The following FNDC8 variants were observed in gnomAD, a reference collection of about 807,000 sequenced individuals.
FNDC8 encodes the protein fibronectin type III domain containing 8, also known as fibronectin type III domain-containing protein 8.
In FNDC8, 23 loss-of-function variants were observed where a neutral mutation model predicts 24.8. The ratio of observed to expected loss-of-function variants is 0.93; its 90% CI spans 0.67 to 1.31. The LOEUF is 1.31. Among genes scored for constraint, FNDC8 ranks in the 40% most tolerant of loss-of-function variants. The pLI is 0.00. For missense variants in FNDC8, 371 were observed against 398.2 expected (o/e 0.93, Z 0.58); for synonymous variants, 158 against 165.3 (o/e 0.96, Z 0.34).
chr17:35,121,964 T>G, intron 1 of FNDC8, 62 bp downstream of exon 1: 4 of 1,092,112 alleles, frequency 3.7e-6, no homozygotes, highest in Non-Finnish European at 5.2e-6. Flanking sequence ...CCTCCCTTCC[T>G]TCCTCCCTTC....
At chr17:35,122,169 T>TATAC (rs2091829634) in intron 1 of FNDC8, among the ~76,000 whole-genome samples, 1 of 25,964 alleles carries the variant, frequency 3.9e-5, no homozygotes, top group Non-Finnish European at 6.4e-5. Context: ...TATATATATA[T>TATAC]ATATATATAT....
rs764202427 is a variant in FNDC8, at chr17:35,127,240, G to A, written c.408G>A (p.Ala136=). ...MAKNAENEDL[A]LGPCPCPSKS... Reference sequence around the variant, plus strand: ...AGAATGCAGAAAATGAGGACCTGGCGCTCGGCCCCTGCCCATGCCCATCGA... The same window carrying A: ...AGAATGCAGAAAATGAGGACCTGGCACTCGGCCCCTGCCCATGCCCATCGA... The change falls in exon 2 of 4, where the codon GCG becomes GCA. Residue 136 remains alanine, a synonymous_variant. Transcript: ENST00000158009. The A allele has an allele frequency of 4.6e-5, 75 of 1,613,588 alleles. No individual in the cohort carries two copies. The highest frequency in any genetic ancestry group is 1.3e-4 in the African/African-American group (10 of 74,930).
chr17:35,125,978 T>C (rs948455548), intron 1 of FNDC8, among the ~76,000 whole-genome samples: 1 of 152,204 alleles, frequency 6.6e-6, no homozygotes, highest in Non-Finnish European at 1.5e-5. Flanking sequence ...TGGAGTGCAG[T>C]GGCAGGATCT....
chr17:35,129,998 G>A, intron 3 of FNDC8: 10 of 1,382,350 alleles, frequency 7.2e-6, no homozygotes, highest in Non-Finnish European at 9.3e-6. Flanking sequence ...GAAGACAAGA[G>A]GCTAAAGGGG....
chr17:35,127,320 C>A lies in FNDC8; in HGVS notation c.488C>A (p.Thr163Lys), dbSNP rs770942784. Residue 163 changes from threonine to lysine, a missense_variant, in exon 2 of 4, where the codon ACA (threonine) becomes AAA (lysine). Physicochemically the swap from Thr to Lys is moderately conservative, Grantham distance 78. Coordinates refer to ENST00000158009, the MANE Select transcript of FNDC8 (RefSeq NM_017559.4). ...LLDLDNPELE[T>K]ETSSTHSESS... ...GACCTTGACAACCCTGAGCTGGAGA[C>A]AGAAACCTCCTCAACGCACTCAGAA... 1.2e-6 allele frequency: 2 copies of A among 1,613,322 alleles called. No homozygotes were observed. Among genetic ancestry groups the A allele is most frequent in the South Asian group, 1.1e-5 (1 of 91,036 alleles).
rs1344663721 is a variant in FNDC8, at chr17:35,121,721, G to A, written c.28G>A (p.Gly10Arg). ...GGCATCAGAGGCACTCCATCAAGTG[G>A]GAGATGGGGAGGAGGCTGTACTGAA... is the stretch of plus-strand genomic sequence containing the variant. The part of the protein sequence containing the change: MASEALHQV[G>R]DGEEAVLKKE... Residue 10 changes from glycine (G) to arginine (R), a missense_variant, in exon 1 of 4, where the codon GGA becomes AGA. Coordinates refer to ENST00000158009, the MANE Select transcript of FNDC8 (RefSeq NM_017559.4). 20 of 1,614,014 alleles carry A rather than the reference G, an allele frequency of 1.2e-5. No individual in the cohort carries two copies. Among genetic ancestry groups the A allele is most frequent in the Non-Finnish European group, 1.7e-5 (20 of 1,179,998 alleles).
At chr17:35,122,194 ATATATATATATAT>A (rs1363842041) in intron 1 of FNDC8, among the ~76,000 whole-genome samples, 876 of 21,602 alleles carry the variant, frequency 0.041, 110 homozygotes, top group East Asian at 0.1. Context: ...ATATATATAT[ATATATATATATAT>A]AAATTTTTTT....
chr17:35,130,633 A>G lies in FNDC8; in HGVS notation c.*199A>G. ...ACCTGGAGGCATCTCAGGCCAGGCC[A>G]TGCCAGGCTCAGCCACTGCCCACAG... On this transcript the variant is annotated 3_prime_UTR_variant, in exon 4 of 4. Transcript: ENST00000158009. 3.4e-6 allele frequency: 2 copies of G among 583,976 alleles called. No homozygotes were observed. Among genetic ancestry groups the G allele is most frequent in the Non-Finnish European group, 6.0e-6 (2 of 333,786 alleles). 36.2% of individuals were successfully genotyped at this position (583,976 alleles called of 1,614,324 possible).
intron 1 of FNDC8, among the ~76,000 whole-genome samples, chr17:35,122,208 A>ACATATAT (rs1567738641): frequency 1.1e-4 from 1 of 9,152 alleles, no homozygotes; most frequent in Non-Finnish European, 1.8e-4. Context: ...ATATATATAT[A>ACATATAT]AATTTTTTTT....
chr17:35,130,552 G>A lies in FNDC8; in HGVS notation c.*118G>A, dbSNP rs369614645. 39 of 1,117,246 alleles carry A rather than the reference G, an allele frequency of 3.5e-5. No homozygotes were observed. Among genetic ancestry groups the A allele is most frequent in the African/African-American group, 1.6e-4 (10 of 64,056 alleles). 69.2% of individuals were successfully genotyped at this position (1,117,246 alleles called of 1,614,324 possible). A position where few individuals can be genotyped will look rare whatever the true frequency, so the allele number is the denominator to read the frequency against. ...CCCTGCGGGCCCGGGGTCTGGCAGA[G>A]TGGTATGGGCACCCCACCCCTGGGC... On this transcript the variant is annotated 3_prime_UTR_variant, in exon 4 of 4. Transcript: ENST00000158009.
chr17:35,122,130 G>C (rs1281830471), intron 1 of FNDC8, among the ~76,000 whole-genome samples: 1 of 116,794 alleles, frequency 8.6e-6, no homozygotes, highest in Non-Finnish European at 1.7e-5. Context: ...GACTATTGAC[G>C]CGCCACCACC....
chr17:35,130,213 TAGAG>T (rs1409134379), intron 3 of FNDC8, 65 bp from the exon 4 acceptor site: 3 of 1,564,736 alleles, frequency 1.9e-6, no homozygotes, highest in Non-Finnish European at 2.6e-6. Context: ...AAAGGGGTGA[TAGAG>T]ACAGAGAGAG....
chr17:35,129,540 TCAA>T lies in FNDC8; in HGVS notation c.708_710del (p.Asn236del), dbSNP rs1296853329. The T allele has an allele frequency of 1.9e-6, 3 of 1,614,178 alleles. No homozygotes were observed. Among genetic ancestry groups the T allele is most frequent in the Non-Finnish European group, 2.5e-6 (3 of 1,180,026 alleles). ...GAGGCAAAGAATCGTCCATGGATCT[TCAA>T]CAAGATTTTGGGCACTACTGTCAAG... On this transcript the variant is annotated inframe_deletion, in exon 3 of 4. Coordinates refer to ENST00000158009, the MANE Select transcript of FNDC8 (RefSeq NM_017559.4).
chr17:35,129,973 A>G, intron 3 of FNDC8: 1 of 1,371,430 alleles, frequency 7.3e-7, no homozygotes, highest in Non-Finnish European at 9.4e-7. Flanking sequence ...AGTCAAGGGC[A>G]TTGAAAGAAA....
In FNDC8 at chr17:35,130,509, C is replaced by T; in HGVS notation, c.*75C>T. The T allele has an allele frequency of 6.8e-7, 1 of 1,474,296 alleles. No individual in the cohort carries two copies. The highest frequency in any genetic ancestry group is 9.3e-7 in the Non-Finnish European group (1 of 1,078,334). The allele number at this position is 1,474,296 out of a possible 1,614,324, so 91.3% of individuals were successfully genotyped here. On this transcript the variant is annotated 3_prime_UTR_variant, in exon 4 of 4. Transcript: ENST00000158009. ...GCCCTCAGAAACCAGAGCCATGAGA[C>T]CTACCATACCACCAGCACCCTGCGG...
chr17:35,126,893 T>C, intron 1 of FNDC8, 149 bp from the exon 2 acceptor site: 2 of 928,780 alleles, frequency 2.2e-6, no homozygotes, highest in South Asian at 3.9e-5. Context: ...CTGGTGAGTC[T>C]AATGCAATGC....
intron 1 of FNDC8, 33 bp downstream of exon 1, chr17:35,121,935 C>T: frequency 7.0e-7 from 1 of 1,425,958 alleles, no homozygotes; most frequent in South Asian, 1.2e-5. Context: ...CCCTCCCTCC[C>T]TCCCTCCCTC....
At chr17:35,121,943 C>G (rs1304245629) in intron 1 of FNDC8, 41 bp downstream of exon 1, 1 of 1,399,338 alleles carries the variant, frequency 7.1e-7, no homozygotes, top group Non-Finnish European at 1.0e-6. Context: ...CCCTCCCTCC[C>G]TCCCTTCCTT....
chr17:35,123,715 G>A (rs1387723836), intron 1 of FNDC8, among the ~76,000 whole-genome samples: 1 of 151,682 alleles, frequency 6.6e-6, no homozygotes, highest in Non-Finnish European at 1.5e-5. Context: ...TCCAGCCAGG[G>A]GTCTGGGAGA....
Sources: gnomAD v4.1 joint callset for allele counts (sites outside exome capture counted in the v4.1 genomes callset) on GRCh38, gnomAD v4.1.1 for gene constraint, MANE v1.5 for transcripts, NCBI Gene and HGNC (gene_info 2026-07-23, HGNC 2026-07-21) for gene names.